The following CES5A variants were observed in gnomAD, a reference collection of about 807,000 sequenced individuals.
CES5A encodes the protein carboxylesterase 5.
A neutral mutation model predicts 62.9 loss-of-function variants in CES5A; 67 were observed. That is an observed-to-expected ratio of 1.07 (90% CI 0.88 to 1.31). The LOEUF (loss-of-function observed/expected upper bound fraction) is 1.31, where lower values mean the gene tolerates loss of function less well. Among genes scored for constraint, CES5A ranks in the 50% most tolerant of loss-of-function variants. CES5A has a pLI of 0.00. For missense variants in CES5A, 748 were observed against 708.5 expected, an observed-to-expected ratio of 1.06 and a Z score of -0.63; for synonymous variants, 296 against 280.8, an observed-to-expected ratio of 1.05 and a Z score of -0.54.
At chr16:55,909,261 A>T (rs1307491893) in intron 1 of CES5A, among the ~76,000 whole-genome samples, 2 of 152,128 alleles carry the variant, frequency 1.3e-5, no homozygotes, top group East Asian at 3.9e-4. Flanking sequence ...TTCATTGTTG[A>T]GGAAATGGAG....
chr16:55,949,090 T>C (rs1440015442), intron 2 of CES5A, among the ~76,000 whole-genome samples: 2 of 152,216 alleles, frequency 1.3e-5, no homozygotes, highest in Non-Finnish European at 2.9e-5. Flanking sequence ...AGTGCTTTGC[T>C]CTGATACACG....
At chr16:55,935,485 C>A (rs1333078443) in intron 2 of CES5A, among the ~76,000 whole-genome samples, 1 of 152,118 alleles carries the variant, frequency 6.6e-6, no homozygotes, top group Non-Finnish European at 1.5e-5. Context: ...TAATATTTGG[C>A]CAAATATCTG....
At chr16:55,885,671 G>A (rs747929361) in intron 1 of CES5A, among the ~76,000 whole-genome samples, 34 of 152,116 alleles carry the variant, frequency 2.2e-4, no homozygotes, top group African/African-American at 4.6e-4. Context: ...TGCTACACTC[G>A]TTTGTTAGCT....
chr16:55,935,074 C>T (rs866986521), intron 2 of CES5A, among the ~76,000 whole-genome samples: 1 of 152,216 alleles, frequency 6.6e-6, no homozygotes, highest in Non-Finnish European at 1.5e-5. Flanking sequence ...ACCTGAGTAG[C>T]TGGGATTACA....
At chr16:55,858,788 GT>G (rs2033294570) in intron 8 of CES5A, among the ~76,000 whole-genome samples, 1 of 152,212 alleles carries the variant, frequency 6.6e-6, no homozygotes, top group Non-Finnish European at 1.5e-5. Context: ...CAGATGAAAA[GT>G]TTATTTCCAA....
At chr16:55,848,675 T>C (rs1392565351) in intron 11 of CES5A, among the ~76,000 whole-genome samples, 38 of 152,200 alleles carry the variant, frequency 2.5e-4, no homozygotes, top group African/African-American at 1.7e-4. Context: ...AATTAGGTTA[T>C]TCTTTTCTTA....
rs1335487382 is a variant in CES5A at position 55,890,614 on chromosome 16, GA to G, written c.-255-16578del. Among the ~76,000 whole-genome samples the G allele has an allele frequency of 1.4e-4, 22 of 151,848 alleles. No individual in the cohort carries two copies. The East Asian group carries it at 2.3e-3, about 16-fold the overall frequency. On this transcript the variant is annotated intron_variant, in intron 1 of 12. Coordinates refer to the CES5A transcript ENST00000518005. The stretch of plus-strand genomic sequence containing the variant: ...AGTGATATATCTTATAAACCTATGT[GA>G]AAAAAAATCCTTTAAAATACTAGCA...
chr16:55,908,077 C>T lies in CES5A; in HGVS notation c.-256+17246G>A, dbSNP rs112000830. Reference sequence around the variant, plus strand: ...GACTTACTATTCTCTTGTCTGGCCTCGGTATTGAAGAACCATCTCCTCCTT... The same window carrying T: ...GACTTACTATTCTCTTGTCTGGCCTTGGTATTGAAGAACCATCTCCTCCTT... On this transcript the variant is annotated intron_variant, in intron 1 of 12. Coordinates refer to the CES5A transcript ENST00000518005. Among the ~76,000 whole-genome samples the T allele has an allele frequency of 2.8e-3, 423 of 152,268 alleles. 4 individuals are homozygous for T. The highest frequency in any genetic ancestry group is 9.1e-3 in the African/African-American group (380 of 41,550).
At chr16:55,861,300 ATCC>A in intron 7 of CES5A, 109 bp downstream of exon 7, 1 of 661,520 alleles carries the variant, frequency 1.5e-6, no homozygotes, top group Admixed American at 2.7e-5. Context: ...AAGTACCTCA[ATCC>A]TCCTCTTTTC....
At chr16:55,851,183 T>C (rs1354947564) in intron 10 of CES5A, among the ~76,000 whole-genome samples, 1 of 152,164 alleles carries the variant, frequency 6.6e-6, no homozygotes, top group Non-Finnish European at 1.5e-5. Flanking sequence ...TTGTACATTA[T>C]CAACAGAGTA....
chr16:55,919,532 C>A (rs187070801), intron 1 of CES5A, among the ~76,000 whole-genome samples: 1 of 152,300 alleles, frequency 6.6e-6, no homozygotes, highest in African/African-American at 2.4e-5. Context: ...AGCCCAGAAC[C>A]CTGCACCCTC....
intron 2 of CES5A, among the ~76,000 whole-genome samples, chr16:55,938,183 C>T (rs1567362023): frequency 6.6e-6 from 1 of 152,108 alleles, no homozygotes; most frequent in Non-Finnish European, 1.5e-5. Flanking sequence ...CAGCACATTT[C>T]CAAAGTAAGA....
chr16:55,866,906 G>A (rs62039560), intron 4 of CES5A, among the ~76,000 whole-genome samples: 6,664 of 152,042 alleles, frequency 0.044, 248 homozygotes, highest in Non-Finnish European at 0.063. Flanking sequence ...GCATGTACCA[G>A]ACACTGTTCT....
rs774835005 is a variant in CES5A, at chr16:55,874,042, G to A, written c.74-5C>T. ...GTGGCCCTTCAGCAGAAGGCCCTGC[G>A]GGAACACATGGGAGGAATCAGGAGC... On this transcript the variant is annotated splice_polypyrimidine_tract_variant and splice_region_variant and intron_variant, in intron 1 of 12. Coordinates refer to ENST00000290567, the MANE Select transcript of CES5A (RefSeq NM_001143685.2). 3.0e-5 allele frequency: 47 copies of A among 1,592,700 alleles called. No homozygotes were observed. Among genetic ancestry groups the A allele is most frequent in the East Asian group, 2.9e-4 (13 of 44,244 alleles).
intron 2 of CES5A, among the ~76,000 whole-genome samples, chr16:55,939,886 A>C (rs2034428811): frequency 1.3e-5 from 2 of 152,140 alleles, no homozygotes; most frequent in African/African-American, 4.8e-5. Context: ...AAAATATCTA[A>C]ATGCTAACAT....
At chr16:55,849,067 G>A (rs137877603) in intron 11 of CES5A, among the ~76,000 whole-genome samples, 307 of 152,318 alleles carry the variant, frequency 2.0e-3, no homozygotes, top group Admixed American at 1.6e-3. Flanking sequence ...ACTCCTGTGT[G>A]TAATCTTCCC....
chr16:55,949,817 A>G (rs771297958), exon 2 of CES5A: 1 of 1,515,194 alleles, frequency 6.6e-7, no homozygotes, highest in South Asian at 1.2e-5. Context: ...TAAGACATCA[A>G]TCCTCAATAC....
intron 4 of CES5A, among the ~76,000 whole-genome samples, chr16:55,868,624 T>C (rs1481212518): frequency 3.3e-5 from 5 of 152,180 alleles, no homozygotes; most frequent in African/African-American, 4.8e-5. Context: ...ATCTCTCCCA[T>C]AGTCAGGAGC....
At chr16:55,896,187 G>A (rs2033932319) in intron 1 of CES5A, among the ~76,000 whole-genome samples, 1 of 152,180 alleles carries the variant, frequency 6.6e-6, no homozygotes. Flanking sequence ...AGCATGTGCA[G>A]GGGAACTCTC....
Sources: gnomAD v4.1 joint callset for allele counts (sites outside exome capture counted in the v4.1 genomes callset) on GRCh38, gnomAD v4.1.1 for gene constraint, MANE v1.5 for transcripts, NCBI Gene and HGNC (gene_info 2026-07-23, HGNC 2026-07-21) for gene names.